FAM72A: variants seen among roughly 807,000 people sequenced by gnomAD.
FAM72A encodes regulator of UNG2 and MKLN1 interacting yippee protein 1, also known as protein FAM72A.
A neutral mutation model predicts 11.3 loss-of-function variants in FAM72A; 1 was observed. That is an observed-to-expected ratio of 0.09 (90% confidence interval 0.03 to 0.42). FAM72A has a LOEUF of 0.42. Ranked by LOEUF, FAM72A falls within the 10% of genes least tolerant of loss-of-function variation. FAM72A has a pLI of 0.98. For missense variants in FAM72A, 15 were observed against 135.5 expected (o/e 0.11, Z 4.41); for synonymous variants, 5 against 46.9 (o/e 0.11, Z 3.65).
At chr1:206,196,901 A>G (rs1216625680) in intron 2 of FAM72A, among the ~76,000 whole-genome samples, 1 of 145,706 alleles carries the variant, frequency 6.9e-6, no homozygotes, top group Non-Finnish European at 1.5e-5. Context: ...TTATACCTTG[A>G]GTTGTAAAAA....
rs552669259 is a variant in FAM72A, at chr1:206,193,104, G to T, written c.355+2648C>A. Reference sequence around the variant, plus strand: ...AATTTTGTATTTTTAGTAGAGACGGGGTTTCTCCATGTTGGTCAGGCTGGT... The same window carrying T: ...AATTTTGTATTTTTAGTAGAGACGGTGTTTCTCCATGTTGGTCAGGCTGGT... On this transcript the variant is annotated intron_variant, in intron 3 of 3. Transcript: ENST00000367128. Among the ~76,000 whole-genome samples the T allele has an allele frequency of 6.0e-5, 9 of 151,092 alleles. No individual in the cohort carries two copies. In the East Asian group the frequency reaches 1.8e-3, roughly 29 times the overall value.
chr1:206,203,642 C>T (rs1426205821), upstream of FAM72A: 10 of 603,726 alleles, frequency 1.7e-5, no homozygotes, highest in Non-Finnish European at 3.0e-5. Context: ...CCCGTCGCGT[C>T]AGAGCCAGGT....
At chr1:206,198,878 T>G (rs1665212959) in intron 2 of FAM72A, among the ~76,000 whole-genome samples, 1 of 122,664 alleles carries the variant, frequency 8.2e-6, no homozygotes, top group Admixed American at 9.2e-5. Context: ...AAGAGCAGCC[T>G]GACCAACATG....
At chr1:206,203,026 G>A (rs1553299581), upstream of FAM72A, among the ~76,000 whole-genome samples, 1 of 152,102 alleles carries the variant, frequency 6.6e-6, no homozygotes. Context: ...TAACGGTGCT[G>A]AGATCAATTC....
At chr1:206,205,003 C>T (rs1180029422), upstream of FAM72A, 3 of 151,856 alleles carry the variant, frequency 2.0e-5, no homozygotes, top group Non-Finnish European at 4.4e-5. Context: ...AAGTTGTGCC[C>T]TGGTGGCTTA....
rs561178131 is a variant in FAM72A at position 206,192,889 on chromosome 1, A to G, written c.355+2863T>C. 3.1e-3 allele frequency among the ~76,000 whole-genome samples: 472 copies of G among 151,338 alleles called. 4 individuals carry two copies. The highest frequency in any genetic ancestry group is 0.011 in the African/African-American group (448 of 41,270). On this transcript the variant is annotated intron_variant, in intron 3 of 3. Transcript: ENST00000367128. ...TTATGGATGAAGGTGGCTACACTAA[A>G]CAACAGATTTTTCTTTTCTTTTCTT...
intron 2 of FAM72A, among the ~76,000 whole-genome samples, chr1:206,198,409 G>A (rs1665186078): frequency 6.7e-6 from 1 of 148,720 alleles, no homozygotes; most frequent in Non-Finnish European, 1.5e-5. Flanking sequence ...AAAGGCCAGT[G>A]ACTTCATCTA....
chr1:206,188,299 C>A, intron 3 of FAM72A, among the ~76,000 whole-genome samples: 1 of 107,230 alleles, frequency 9.3e-6, no homozygotes, highest in Non-Finnish European at 1.8e-5. Context: ...CTATAATAAA[C>A]AAAAGAATAA....
chr1:206,203,726 G>C (rs1176553495), upstream of FAM72A: 1 of 1,402,632 alleles, frequency 7.1e-7, no homozygotes, highest in Non-Finnish European at 9.5e-7. Flanking sequence ...ACCGGGGCTG[G>C]GGCGGGAAGG....
At position 206,191,729 on chromosome 1, in the gene FAM72A, T is replaced by A. The variant is rs868907398; in HGVS notation, c.355+4023A>T. Among the ~76,000 whole-genome samples the A allele has an allele frequency of 1.5e-4, 22 of 142,814 alleles. No homozygotes were observed. In the South Asian group the frequency reaches 3.8e-3, roughly 25 times the overall value. 93.7% of individuals were successfully genotyped at this position (142,814 alleles called of 152,430 possible). A position where few individuals can be genotyped will look rare whatever the true frequency, so the allele number is the denominator to read the frequency against. Reference sequence around the variant, plus strand: ...TACTTTCTTACTAAAATATTATTTTTTTTTTTTTTTTTTTTTGAGACAGGG... The same window carrying A: ...TACTTTCTTACTAAAATATTATTTTATTTTTTTTTTTTTTTTGAGACAGGG... On this transcript the variant is annotated intron_variant, in intron 3 of 3. Transcript: ENST00000367128.
At chr1:206,193,776 TACTA>T (rs1324882785) in intron 3 of FAM72A, among the ~76,000 whole-genome samples, 51 of 149,882 alleles carry the variant, frequency 3.4e-4, no homozygotes, top group African/African-American at 1.0e-3. Flanking sequence ...CAGCATGTTT[TACTA>T]ACTATTTTAA....
chr1:206,201,367 CAGAG>C (rs1187079340), intron 1 of FAM72A: 4 of 72,078 alleles, frequency 5.5e-5, no homozygotes, highest in Non-Finnish European at 1.1e-4. Context: ...ACATCTCTTT[CAGAG>C]AGAGAGAGTT....
chr1:206,197,278 A>G (rs1169349445), intron 2 of FAM72A, among the ~76,000 whole-genome samples: 5 of 152,198 alleles, frequency 3.3e-5, no homozygotes, highest in African/African-American at 1.2e-4. Context: ...CTAACAGTCT[A>G]GCGAGGCTAC....
chr1:206,192,697 A>G (rs1474834123), intron 3 of FAM72A, among the ~76,000 whole-genome samples: 1 of 91,486 alleles, frequency 1.1e-5, no homozygotes, highest in Non-Finnish European at 2.2e-5. Context: ...CTGCAATTCT[A>G]TGAAGGGCAA....
upstream of FAM72A, chr1:206,203,811 C>G (rs1454312473): frequency 6.5e-7 from 1 of 1,530,752 alleles, no homozygotes; most frequent in Non-Finnish European, 8.8e-7. Flanking sequence ...CCCCCTCCAC[C>G]CTCTCCAAAT....
upstream of FAM72A, chr1:206,203,249 C>G (rs530971642): frequency 0.017 from 6,447 of 388,484 alleles, 69 homozygotes; most frequent in Non-Finnish European, 0.023. Context: ...CCCAATTGGC[C>G]GTGCCTTAGC....
At chr1:206,203,516 C>G (rs1553299787), upstream of FAM72A, 1 of 504,720 alleles carries the variant, frequency 2.0e-6, no homozygotes, top group African/African-American at 1.9e-5. Flanking sequence ...CGGCGGGGTC[C>G]TGCGGAGTTG....
At chr1:206,205,740 A>G, upstream of FAM72A, 5 of 593,442 alleles carry the variant, frequency 8.4e-6, no homozygotes. Context: ...CTCCGGCTCT[A>G]GCACAGGCAC....
intron 1 of FAM72A, among the ~76,000 whole-genome samples, chr1:206,200,189 A>G (rs1665290165): frequency 6.6e-6 from 1 of 150,602 alleles, no homozygotes; most frequent in African/African-American, 2.5e-5. Flanking sequence ...GTTAATGAAC[A>G]TGGGTGTGCA....
Sources: allele counts gnomAD v4.1 joint callset (sites outside exome capture counted in the v4.1 genomes callset), GRCh38; gene constraint gnomAD v4.1.1; transcripts MANE v1.5; gene names NCBI Gene and HGNC (gene_info 2026-07-23, HGNC 2026-07-21).